The following TNS3 variants were observed in gnomAD, a reference collection of about 807,000 sequenced individuals.
TNS3 encodes tensin 3, also known as tensin-3.
TNS3 carries 45 observed loss-of-function variants against 140.9 expected under a neutral mutation model. The ratio of observed to expected loss-of-function variants is 0.32; its 90% CI spans 0.25 to 0.41. The LOEUF is 0.41. Among genes scored for constraint, TNS3 ranks in the 10% least tolerant of loss-of-function variants. The pLI is 1.00. For synonymous variants in TNS3, 815 were observed against 788.4 expected, an observed-to-expected ratio of 1.03 and a Z score of -0.56; for missense variants, 1,716 against 1,906.7, an observed-to-expected ratio of 0.90 and a Z score of 1.86.
chr7:47,288,401 A>G (rs1397730509), intron 27 of TNS3, among the ~76,000 whole-genome samples: 1 of 152,246 alleles, frequency 6.6e-6, no homozygotes, highest in Non-Finnish European at 1.5e-5. Context: ...GCCGATGCAT[A>G]AGTTGTGATT....
intron 27 of TNS3, among the ~76,000 whole-genome samples, chr7:47,288,644 A>G (rs1785541654): frequency 6.6e-6 from 1 of 152,148 alleles, no homozygotes; most frequent in African/African-American, 2.4e-5. Context: ...GCTAAGAACC[A>G]TGATGGGCTC....
rs1238040956 is a variant in TNS3 at position 47,361,673 on chromosome 7, T to C, written c.2281+6692A>G. Reference sequence around the variant, plus strand: ...AAATCAACGGGCTCTCCATGGTCAATTATTAAAAGCTTACAGTTTCCATTG... The same window carrying C: ...AAATCAACGGGCTCTCCATGGTCAACTATTAAAAGCTTACAGTTTCCATTG... On this transcript the variant is annotated intron_variant, in intron 17 of 30. Coordinates refer to ENST00000311160, the MANE Select transcript of TNS3 (RefSeq NM_022748.12). Among the ~76,000 whole-genome samples the C allele has an allele frequency of 3.3e-5, 5 of 152,220 alleles. No individual in the cohort carries two copies. The East Asian group carries it at 9.6e-4, about 29-fold the overall frequency.
rs77787385 is a variant in TNS3, at chr7:47,387,282, G to A, written c.1024+9518C>T. On this transcript the variant is annotated intron_variant, in intron 16 of 30. Transcript: ENST00000311160. ...GTGGAGGGTTCTTACAGGAGTGGAT[G>A]GAGAGAGACTGGGGCTGCTCCTTAA... Among the ~76,000 whole-genome samples the A allele has an allele frequency of 4.4e-3, 672 of 152,324 alleles. 2 individuals carry two copies. The highest frequency in any genetic ancestry group is 0.015 in the African/African-American group (632 of 41,568).
chr7:47,576,808 G>A (rs1286250514), intron 1 of TNS3, among the ~76,000 whole-genome samples: 4 of 152,228 alleles, frequency 2.6e-5, no homozygotes, highest in Non-Finnish European at 5.9e-5. Flanking sequence ...GGGTGATGGG[G>A]AGAGCGCAGA....
chr7:47,517,770 T>A (rs1798827755), intron 2 of TNS3, among the ~76,000 whole-genome samples: 1 of 151,900 alleles, frequency 6.6e-6, no homozygotes, highest in Non-Finnish European at 1.5e-5. Flanking sequence ...GGAAAGTAAC[T>A]CCAGGAAGGT....
At chr7:47,470,373 TAAAA>T in intron 4 of TNS3, 1 of 858,118 alleles carries the variant, frequency 1.2e-6, no homozygotes, top group Non-Finnish European at 1.4e-6. Context: ...TTAAAAATCT[TAAAA>T]TAAATAAGTA....
intron 3 of TNS3, 142 bp from the exon 4 acceptor site, chr7:47,481,283 C>G: frequency 1.8e-6 from 1 of 565,344 alleles, no homozygotes; most frequent in South Asian, 1.7e-5. Context: ...TCAAGACTGA[C>G]AAGATTTAGA....
chr7:47,575,611 C>A (rs1254485838), intron 1 of TNS3, among the ~76,000 whole-genome samples: 5 of 151,940 alleles, frequency 3.3e-5, no homozygotes, highest in Non-Finnish European at 5.9e-5. Context: ...GTCAGGAGAT[C>A]GAGACCATTC....
At chr7:47,451,674 C>T (rs538477210) in intron 4 of TNS3, among the ~76,000 whole-genome samples, 2 of 152,352 alleles carry the variant, frequency 1.3e-5, no homozygotes, top group Non-Finnish European at 2.9e-5. Flanking sequence ...ACACAGATCA[C>T]AGCTGCCGGG....
At position 47,368,797 on chromosome 7, in the gene TNS3, C is replaced by T; in HGVS notation, c.1849G>A (p.Ala617Thr). ...GEARLVSRCPADNPGLVQAQP... is the reference protein window; with the variant it reads ...GEARLVSRCPTDNPGLVQAQP... Reference sequence around the variant, plus strand: ...GCCTGGACGAGGCCAGGATTGTCTGCAGGGCAGCGGCTCACCAGCCGGGCC... The same window carrying T: ...GCCTGGACGAGGCCAGGATTGTCTGTAGGGCAGCGGCTCACCAGCCGGGCC... Residue 617 changes from alanine (A) to threonine (T), a missense_variant, in exon 17 of 31, where the codon GCA becomes ACA. By Grantham distance (58) the Ala-to-Thr change is moderately conservative. Around this residue, in one of 3 missense-constraint regions of TNS3, gnomAD observed 1,163 missense variants for 1,182.1 expected, o/e 0.98. Coordinates refer to ENST00000311160, the MANE Select transcript of TNS3 (RefSeq NM_022748.12). 3 of 1,607,026 alleles carry T rather than the reference C, an allele frequency of 1.9e-6. No homozygotes were observed. The highest frequency in any genetic ancestry group is 1.1e-5 in the South Asian group (1 of 89,910).
chr7:47,370,518 G>A (rs1461610875), intron 16 of TNS3, among the ~76,000 whole-genome samples: 1 of 152,168 alleles, frequency 6.6e-6, no homozygotes, highest in East Asian at 1.9e-4. Context: ...GGGCAGGAAG[G>A]GCTGAAGCAT....
At chr7:47,415,233 T>C in intron 10 of TNS3, 27 bp from the exon 11 acceptor site, 1 of 1,525,854 alleles carries the variant, frequency 6.6e-7, no homozygotes, top group South Asian at 1.2e-5. Context: ...TGGGTTACAC[T>C]TCCCAGAAGT....
intron 1 of TNS3, among the ~76,000 whole-genome samples, chr7:47,537,445 G>C (rs1183605448): frequency 1.3e-5 from 2 of 151,776 alleles, no homozygotes; most frequent in African/African-American, 4.8e-5. Context: ...GAGCGAGCGC[G>C]GAGGCACAGG....
intron 20 of TNS3, 123 bp from the exon 21 acceptor site, chr7:47,305,126 G>C: frequency 2.7e-6 from 2 of 748,060 alleles, no homozygotes; most frequent in Non-Finnish European, 3.7e-6. Context: ...GTCATCCATG[G>C]CCATACTGAA....
At chr7:47,396,450 G>A (rs1394553831) in intron 16 of TNS3, 2 of 251,682 alleles carry the variant, frequency 7.9e-6, no homozygotes, top group South Asian at 5.9e-5. Context: ...TGTGGCCAGC[G>A]CTTGGCATCC....
intron 4 of TNS3, chr7:47,452,894 C>G: frequency 5.1e-6 from 5 of 985,044 alleles, no homozygotes; most frequent in Non-Finnish European, 6.0e-6. Flanking sequence ...CCAGTGCCAG[C>G]CCAGCCGAGA....
chr7:47,422,010 C>T (rs1794397723), intron 10 of TNS3, among the ~76,000 whole-genome samples: 1 of 152,208 alleles, frequency 6.6e-6, no homozygotes, highest in Admixed American at 6.5e-5. Flanking sequence ...AACAGAGAAG[C>T]CTCCCATCAC....
chr7:47,531,386 A>G (rs1799398526), intron 1 of TNS3, among the ~76,000 whole-genome samples: 1 of 152,236 alleles, frequency 6.6e-6, no homozygotes, highest in Non-Finnish European at 1.5e-5. Context: ...ATATGCAAAA[A>G]AAGATATACA....
intron 16 of TNS3, among the ~76,000 whole-genome samples, chr7:47,395,468 G>A (rs746206367): frequency 5.9e-5 from 9 of 152,288 alleles, no homozygotes; most frequent in Non-Finnish European, 1.0e-4. Context: ...GCAAACAGAC[G>A]TTACTGGAAA....
Sources: gnomAD v4.1 joint callset for allele counts (sites outside exome capture counted in the v4.1 genomes callset) on GRCh38, gnomAD v4.1.1 for gene constraint, gnomAD v4.1.1 regional missense constraint, MANE v1.5 for transcripts, NCBI Gene and HGNC (gene_info 2026-07-23, HGNC 2026-07-21) for gene names.